Variants in DIAPH1 observed in about 807,000 individuals in gnomAD.
DIAPH1 encodes the protein protein diaphanous homolog 1.
In DIAPH1, 46 loss-of-function variants were observed where a neutral mutation model predicts 140.7. The ratio of observed to expected loss-of-function variants is 0.33; its 90% CI spans 0.26 to 0.42. The LOEUF is 0.42. DIAPH1 is among the 10% of genes least tolerant of loss of function. DIAPH1 has a pLI of 1.00. For synonymous variants in DIAPH1, 565 were observed against 551.6 expected (o/e 1.02, Z -0.34); for missense variants, 1,310 against 1,558.7 (o/e 0.84, Z 2.69).
At chr5:141,557,714 C>CT (rs1218361600) in intron 18 of DIAPH1, 14 of 152,234 alleles carry the variant, frequency 9.2e-5, no homozygotes, top group African/African-American at 2.9e-4. Flanking sequence ...AGCTAGCACT[C>CT]TGTCACTGTT....
intron 18 of DIAPH1, among the ~76,000 whole-genome samples, chr5:141,544,780 C>T (rs2099890533): frequency 6.6e-6 from 1 of 152,224 alleles, no homozygotes; most frequent in Non-Finnish European, 1.5e-5. Flanking sequence ...AACTCTCATA[C>T]ATTGCTAGTG....
intron 1 of DIAPH1, among the ~76,000 whole-genome samples, chr5:141,613,979 G>A (rs1229816325): frequency 6.6e-6 from 1 of 152,232 alleles, no homozygotes; most frequent in Non-Finnish European, 1.5e-5. Context: ...GTGACAGGCA[G>A]CCAGGCAAGG....
intron 27 of DIAPH1, among the ~76,000 whole-genome samples, chr5:141,518,075 G>A (rs548107564): frequency 3.3e-5 from 5 of 152,314 alleles, no homozygotes; most frequent in South Asian, 2.1e-4. Context: ...CAGCTTCTGC[G>A]AAATGTCCAG....
intron 18 of DIAPH1, among the ~76,000 whole-genome samples, chr5:141,567,991 G>A (rs1562315611): frequency 6.6e-6 from 1 of 152,182 alleles, no homozygotes; most frequent in Non-Finnish European, 1.5e-5. Context: ...TTGGAGAACT[G>A]TTCTGATGCT....
rs375289314 is a variant in DIAPH1 at position 141,529,976 on chromosome 5, C to T, written c.2582-279G>A. Among the ~76,000 whole-genome samples the T allele has an allele frequency of 5.3e-5, 8 of 152,172 alleles. No individual in the cohort carries two copies. In the East Asian group the frequency reaches 1.2e-3, roughly 22 times the overall value. On this transcript the variant is annotated intron_variant, in intron 19 of 27. Coordinates refer to ENST00000389054, the MANE Select transcript of DIAPH1 (RefSeq NM_005219.5). Reference sequence around the variant, plus strand: ...GTGTGCACCTGTAGTCCCAGCTGCTCGGCAGGCTGAGGTGGGAGGATCACC... The same window carrying T: ...GTGTGCACCTGTAGTCCCAGCTGCTTGGCAGGCTGAGGTGGGAGGATCACC...
At position 141,529,365 on chromosome 5, in the gene DIAPH1, G is replaced by A. The variant is rs1337579380; in HGVS notation, c.2677-92C>T. ...TACTCTGTTGTCAGTCCCACACTCT[G>A]CTCAAGGACCATACAGAAAGAAACA... On this transcript the variant is annotated intron_variant, in intron 20 of 27. Transcript: ENST00000389054. The A allele has an allele frequency of 5.6e-6, 6 of 1,075,022 alleles. No homozygotes were observed. The East Asian group carries it at 9.6e-5, about 17-fold the overall frequency. The allele number at this position is 1,075,022 out of a possible 1,614,324, so 66.6% of individuals were successfully genotyped here.
intron 19 of DIAPH1, among the ~76,000 whole-genome samples, chr5:141,530,817 A>G (rs2099888101): frequency 6.6e-6 from 1 of 152,192 alleles, no homozygotes; most frequent in Non-Finnish European, 1.5e-5. Context: ...GAAGAAAACT[A>G]TACCAACATT....
At chr5:141,577,818 T>C (rs2099896189) in intron 11 of DIAPH1, among the ~76,000 whole-genome samples, 1 of 152,202 alleles carries the variant, frequency 6.6e-6, no homozygotes, top group African/African-American at 2.4e-5. Flanking sequence ...TAGTAAGTAC[T>C]TGGCTTGAAG....
intron 27 of DIAPH1, among the ~76,000 whole-genome samples, chr5:141,522,597 A>AAAAAAAAAAC (rs1562279141): frequency 6.6e-6 from 1 of 150,570 alleles, no homozygotes; most frequent in Non-Finnish European, 1.5e-5. Flanking sequence ...AAAAAAAAAA[A>AAAAAAAAAAC]ACAATAAGAT....
Position 141,583,209 on chromosome 5 carries a change from G to T in DIAPH1, c.617C>A (p.Ala206Asp). The T allele has an allele frequency of 6.2e-7, 1 of 1,613,908 alleles. No individual in the cohort carries two copies. The highest frequency in any genetic ancestry group is 1.6e-4 in the Middle Eastern group (1 of 6,062). ...GCAAAGACTTGGAAGTCCTCACCCA[G>T]CAGTCTCTTCTTTCTCATCATGAAG... Reference protein sequence around the residue: ...KRLHDEKEETAGSYDSRNKHE... With the variant: ...KRLHDEKEETDGSYDSRNKHE... Residue 206 changes from alanine to aspartate, a missense_variant, in exon 6 of 28, where the codon GCT (alanine) becomes GAT (aspartate). Ala to Asp is a moderately radical substitution (Grantham distance 126). Transcript: ENST00000389054.
In DIAPH1 at chr5:141,575,003, C is replaced by T; in HGVS notation, c.1605G>A (p.Gln535=). ...SEKQQIATEK[Q]DLEAEVSQLT... ...GCTGGGACACCTCTGCTTCCAGGTC[C>T]TGTTTCTCTGTGGCAATTTGCTGCT... Residue 535 remains glutamine (Q), a synonymous_variant, in exon 15 of 28, where the codon CAG becomes CAA. Transcript: ENST00000389054. 1 of 1,614,166 alleles carries T rather than the reference C, an allele frequency of 6.2e-7. No homozygotes were observed. Among genetic ancestry groups the T allele is most frequent in the Non-Finnish European group, 8.5e-7 (1 of 1,180,034 alleles).
At chr5:141,591,070 C>T (rs1227091407) in intron 1 of DIAPH1, among the ~76,000 whole-genome samples, 2 of 152,158 alleles carry the variant, frequency 1.3e-5, no homozygotes, top group African/African-American at 4.8e-5. Context: ...ATATGACTCT[C>T]CTGGCTTTTC....
intron 24 of DIAPH1, 79 bp from the exon 25 acceptor site, chr5:141,526,540 T>TGA (rs1300778360): frequency 1.2e-5 from 19 of 1,562,228 alleles, no homozygotes; most frequent in Admixed American, 1.7e-5. Context: ...TACTCAAAGA[T>TGA]GAGTACTGGC....
intron 1 of DIAPH1, among the ~76,000 whole-genome samples, chr5:141,589,375 C>T (rs1407075307): frequency 6.6e-6 from 1 of 152,112 alleles, no homozygotes; most frequent in Non-Finnish European, 1.5e-5. Context: ...TTTATTGCTT[C>T]AACAAACCAG....
At chr5:141,614,075 A>G (rs1192088029) in intron 1 of DIAPH1, among the ~76,000 whole-genome samples, 1 of 152,228 alleles carries the variant, frequency 6.6e-6, no homozygotes, top group African/African-American at 2.4e-5. Context: ...TTTTTTGCCT[A>G]CTGCTTTCAA....
rs1208045567 is a variant in DIAPH1 at position 141,576,802 on chromosome 5, A to G, written c.1350T>C (p.Pro450=). Residue 450 remains proline (P), a synonymous_variant, in exon 13 of 28, where the codon CCT becomes CCC. Transcript: ENST00000389054. The part of the protein sequence containing the change: ...QIVLHKNGAD[P]DFKCRHLQIE... ...TCTGGAGGTGCCGGCACTTGAAGTC[A>G]GGATCAGCCCCGTTCTTGTGCAGAA... 1 of 1,613,980 alleles carries G rather than the reference A, an allele frequency of 6.2e-7. No individual in the cohort carries two copies. The highest frequency in any genetic ancestry group is 1.3e-5 in the African/African-American group (1 of 74,932).
chr5:141,605,225 T>G (rs1310232495), intron 1 of DIAPH1, among the ~76,000 whole-genome samples: 1 of 152,180 alleles, frequency 6.6e-6, no homozygotes, highest in Non-Finnish European at 1.5e-5. Context: ...AGGTGGCAAT[T>G]TTCAAAGATT....
chr5:141,605,078 T>G (rs573334186), intron 1 of DIAPH1, among the ~76,000 whole-genome samples: 1 of 152,350 alleles, frequency 6.6e-6, no homozygotes, highest in East Asian at 1.9e-4. Context: ...TACTGTTCTC[T>G]TTGGTTCTAA....
rs1157275845 is a variant in DIAPH1, at chr5:141,576,102, GGA to G, written c.1461+126_1461+127del. ...CCCTATACTGGAAAGGTTTCCCCTG[GGA>G]ACTACACTATTGGGTGCTAAACGCT... On this transcript the variant is annotated intron_variant, in intron 14 of 27. Transcript: ENST00000389054. The G allele has an allele frequency of 1.0e-5, 8 of 778,664 alleles. No homozygotes were observed. The African/African-American group carries it at 1.4e-4, about 14-fold the overall frequency. The allele number at this position is 778,664 out of a possible 1,614,324, so 48.2% of individuals were successfully genotyped here. A position where few individuals can be genotyped will look rare whatever the true frequency, so the allele number is the denominator to read the frequency against.
Sources: allele counts gnomAD v4.1 joint callset (sites outside exome capture counted in the v4.1 genomes callset), GRCh38; gene constraint gnomAD v4.1.1; transcripts MANE v1.5; gene names NCBI Gene and HGNC (gene_info 2026-07-23, HGNC 2026-07-21).